Variants in IAPP observed in about 807,000 individuals in gnomAD.
IAPP encodes the protein islet amyloid polypeptide, also known as Islet amyloid polypeptide (diabetes-associated peptide; amylin).
Under a neutral mutation model 2.9 loss-of-function variants are expected in IAPP, and 4 were observed. The ratio of observed to expected loss-of-function variants is 1.39; its 90% CI spans 0.69 to 3.19. The LOEUF (loss-of-function observed/expected upper bound fraction) is 3.19. Ranked by LOEUF, IAPP falls within the 30% of genes most tolerant of loss-of-function variation. IAPP has a pLI of 0.01. For missense variants in IAPP, 114 were observed against 105.3 expected (o/e 1.08, Z -0.36); for synonymous variants, 40 against 42.1 (o/e 0.95, Z 0.19).
At chr12:21,359,002 C>T (rs2137038549) in intron 1 of IAPP, among the ~76,000 whole-genome samples, 1 of 152,282 alleles carries the variant, frequency 6.6e-6, no homozygotes, top group East Asian at 1.9e-4. Context: ...AATGACTTAT[C>T]TTCAGAATCC....
intron 1 of IAPP, among the ~76,000 whole-genome samples, chr12:21,365,282 A>C (rs1591885972): frequency 6.6e-6 from 1 of 152,350 alleles, no homozygotes; most frequent in African/African-American, 2.4e-5. Context: ...ACCTGACAAA[A>C]ACAAGAAATG....
At chr12:21,373,752 T>C (rs774987087) in intron 2 of IAPP, 1 of 696,828 alleles carries the variant, frequency 1.4e-6, no homozygotes, top group South Asian at 1.5e-5. Context: ...TTCTTCTATA[T>C]TAACCTGATA....
chr12:21,374,469 CCTT>C (rs1014422997), intron 2 of IAPP: 51 of 152,186 alleles, frequency 3.4e-4, no homozygotes, highest in African/African-American at 1.2e-3. Flanking sequence ...TCTTTGTTTT[CCTT>C]CGAGGTAGTT....
At chr12:21,366,054 T>C (rs1939350282) in intron 1 of IAPP, among the ~76,000 whole-genome samples, 1 of 152,202 alleles carries the variant, frequency 6.6e-6, no homozygotes, top group Non-Finnish European at 1.5e-5. Flanking sequence ...ACTGGGCATA[T>C]ACCCAAAGGA....
upstream of IAPP, among the ~76,000 whole-genome samples, chr12:21,370,274 A>G (rs1443318028): frequency 6.6e-6 from 1 of 152,122 alleles, no homozygotes; most frequent in Admixed American, 6.5e-5. Flanking sequence ...TCGCATATCA[A>G]TTTTATGACT....
intron 1 of IAPP, among the ~76,000 whole-genome samples, chr12:21,355,399 G>A (rs149770486): frequency 2.0e-5 from 3 of 152,094 alleles, no homozygotes; most frequent in Non-Finnish European, 4.4e-5. Context: ...AAGAAATCTC[G>A]AAGTGTGAGG....
Position 21,373,434 on chromosome 12 carries a change from T to C in IAPP, c.80+3T>C, listed in dbSNP as rs190313195. The C allele has an allele frequency of 1.9e-6, 3 of 1,605,134 alleles. No individual in the cohort carries two copies. The highest frequency in any genetic ancestry group is 2.7e-5 in the African/African-American group (2 of 74,866). ...CTGAAAGCTACACCCATTGAAAGGT[T>C]GGTAACTTTAAAATCCTGTTTCTTT... is the stretch of plus-strand genomic sequence containing the variant. On this transcript the variant is annotated splice_donor_region_variant and intron_variant, in intron 2 of 2. Transcript: ENST00000240652.
intron 1 of IAPP, among the ~76,000 whole-genome samples, chr12:21,364,197 C>T (rs962967914): frequency 2.0e-5 from 3 of 152,158 alleles, no homozygotes; most frequent in African/African-American, 7.2e-5. Flanking sequence ...AGCTTATCCA[C>T]CATGATCAAG....
intron 1 of IAPP, among the ~76,000 whole-genome samples, chr12:21,364,712 ACT>A (rs1939229331): frequency 6.6e-6 from 1 of 152,168 alleles, no homozygotes; most frequent in Non-Finnish European, 1.5e-5. Context: ...CAGGATACAA[ACT>A]CAGTGTGCAA....
At chr12:21,377,857 A>G (rs1940314910) in intron 2 of IAPP, among the ~76,000 whole-genome samples, 1 of 152,192 alleles carries the variant, frequency 6.6e-6, no homozygotes, top group African/African-American at 2.4e-5. Flanking sequence ...AAATTTCTTC[A>G]TATTTCAGAT....
At chr12:21,368,746 A>G (rs1030289059), upstream of IAPP, among the ~76,000 whole-genome samples, 1 of 152,162 alleles carries the variant, frequency 6.6e-6, no homozygotes, top group African/African-American at 2.4e-5. Flanking sequence ...TTTTATATAC[A>G]TTTGAAAGTT....
intron 1 of IAPP, among the ~76,000 whole-genome samples, chr12:21,364,936 AG>A (rs1939249877): frequency 6.6e-6 from 1 of 152,240 alleles, no homozygotes; most frequent in Admixed American, 6.5e-5. Context: ...GCTCGTGGAT[AG>A]GAAGAATCAA....
intron 1 of IAPP, among the ~76,000 whole-genome samples, chr12:21,364,092 A>C (rs1939170175): frequency 6.6e-6 from 1 of 152,120 alleles, no homozygotes. Context: ...GAAACACAAC[A>C]AAAAAAGAGA....
upstream of IAPP, among the ~76,000 whole-genome samples, chr12:21,369,949 G>A (rs183907761): frequency 5.9e-5 from 9 of 152,278 alleles, no homozygotes; most frequent in Admixed American, 5.9e-4. Context: ...TGGGATAGAT[G>A]TTGATTTTAC....
upstream of IAPP, among the ~76,000 whole-genome samples, chr12:21,370,151 G>C (rs574314249): frequency 1.1e-4 from 16 of 151,994 alleles, no homozygotes. Flanking sequence ...TTCTGCTCCT[G>C]AGTAGCTCTG....
chr12:21,373,744 C>CCACTGGTG, intron 2 of IAPP: 1 of 700,508 alleles, frequency 1.4e-6, no homozygotes, highest in Non-Finnish European at 2.6e-6. Flanking sequence ...GTAGTAATTT[C>CCACTGGTG]TTCTATATTA....
Position 21,378,328 on chromosome 12 carries a change from G to A in IAPP, c.172G>A (p.Ala58Thr), listed in dbSNP as rs930462939. 1.9e-6 allele frequency: 3 copies of A among 1,614,138 alleles called. No individual in the cohort carries two copies. Among genetic ancestry groups the A allele is most frequent in the African/African-American group, 2.7e-5 (2 of 75,022 alleles). Residue 58 changes from alanine (A) to threonine (T), a missense_variant, in exon 3 of 3, where the codon GCC becomes ACC. Transcript: ENST00000240652. Reference sequence around the variant, plus strand: ...AGTTCATTCCAGCAACAACTTTGGTGCCATTCTCTCATCTACCAACGTGGG... The same window carrying A: ...AGTTCATTCCAGCAACAACTTTGGTACCATTCTCTCATCTACCAACGTGGG... ...FLVHSSNNFG[A>T]ILSSTNVGSN...
intron 2 of IAPP, chr12:21,374,561 G>A (rs1940046981): frequency 1.3e-5 from 2 of 152,094 alleles, no homozygotes; most frequent in Admixed American, 6.5e-5. Flanking sequence ...ATTATCAGAG[G>A]CTTTTTGTCA....
chr12:21,370,434 T>A (rs1477674974), upstream of IAPP, among the ~76,000 whole-genome samples: 1 of 151,022 alleles, frequency 6.6e-6, no homozygotes, highest in Non-Finnish European at 1.5e-5. Context: ...ACCCATCAAC[T>A]CGTCATTTAA....
Sources: gnomAD v4.1 joint callset for allele counts (sites outside exome capture counted in the v4.1 genomes callset) on GRCh38, gnomAD v4.1.1 for gene constraint, MANE v1.5 for transcripts, NCBI Gene and HGNC (gene_info 2026-07-23, HGNC 2026-07-21) for gene names.